The following RPP30 variants were observed in gnomAD, a reference collection of about 807,000 sequenced individuals.
RPP30 encodes the protein ribonuclease P/MRP subunit p30, also known as ribonuclease P protein subunit p30.
RPP30 carries 36 observed loss-of-function variants against 38.6 expected under a neutral mutation model. The observed-to-expected ratio is 0.93, with a 90% confidence interval of 0.71 to 1.23. The LOEUF is 1.23. Among genes scored for constraint, RPP30 ranks in the 50% most tolerant of loss-of-function variants. The probability of loss-of-function intolerance (pLI) is 0.00; values close to 1 mark genes in which losing one functional copy is unlikely to be tolerated. For missense variants in RPP30, 321 were observed against 321.7 expected (o/e 1.00, Z 0.02); for synonymous variants, 126 against 112.7 (o/e 1.12, Z -0.75).
intron 5 of RPP30, among the ~76,000 whole-genome samples, chr10:90,883,274 A>G (rs1171044882): frequency 6.9e-6 from 1 of 144,288 alleles, no homozygotes; most frequent in Non-Finnish European, 1.5e-5. Flanking sequence ...TTAAATTGTC[A>G]TAGGAGTCTC....
At chr10:90,879,550 C>T (rs1846896402) in intron 5 of RPP30, among the ~76,000 whole-genome samples, 1 of 152,174 alleles carries the variant, frequency 6.6e-6, no homozygotes, top group South Asian at 2.1e-4. Flanking sequence ...TCTGTTTCGG[C>T]TTCCTCCTTT....
chr10:90,906,192 G>A (rs968529008), downstream of RPP30: 4 of 152,202 alleles, frequency 2.6e-5, no homozygotes, highest in Non-Finnish European at 5.9e-5. Flanking sequence ...ACAACAGGAA[G>A]ACACCTTGGG....
intron 6 of RPP30, 89 bp from the exon 7 acceptor site, chr10:90,894,686 A>T: frequency 1.1e-6 from 1 of 892,120 alleles, no homozygotes; most frequent in South Asian, 1.3e-5. Flanking sequence ...AGTAGTAGGG[A>T]GTGAGGAGGG....
chr10:90,883,908 T>C (rs942466605), intron 5 of RPP30, among the ~76,000 whole-genome samples: 2 of 152,128 alleles, frequency 1.3e-5, no homozygotes, highest in African/African-American at 4.8e-5. Context: ...TTTGTGTATC[T>C]TTTTAGAAAT....
downstream of RPP30, chr10:90,902,342 C>T (rs985880807): frequency 3.9e-5 from 15 of 386,674 alleles, no homozygotes; most frequent in African/African-American, 3.1e-4. Flanking sequence ...CTCAGCCTCC[C>T]AAGTAAGTGG....
intron 7 of RPP30, 158 bp downstream of exon 7, chr10:90,895,049 A>T (rs1274495481): frequency 5.6e-6 from 4 of 716,176 alleles, no homozygotes; most frequent in African/African-American, 1.8e-5. Context: ...ATTTTAAGGG[A>T]AAGAAAAATA....
chr10:90,895,069 G>A, intron 7 of RPP30, 178 bp downstream of exon 7: 1 of 675,200 alleles, frequency 1.5e-6, no homozygotes, highest in Non-Finnish European at 2.7e-6. Context: ...ACCAAGGGAA[G>A]AATAATGTAA....
intron 2 of RPP30, 55 bp from the exon 3 acceptor site, chr10:90,875,503 T>C: frequency 7.3e-7 from 1 of 1,363,148 alleles, no homozygotes; most frequent in Non-Finnish European, 1.0e-6. Context: ...TTTTCCATTA[T>C]GCCTTGTGCT....
In RPP30 at chr10:90,876,025, G is replaced by A. The variant is rs762362994; in HGVS notation, c.197G>A (p.Gly66Glu). The A allele has an allele frequency of 9.9e-6, 15 of 1,508,100 alleles. No individual in the cohort carries two copies. Among genetic ancestry groups the A allele is most frequent in the Middle Eastern group, 1.7e-4 (1 of 5,886 alleles). The allele number at this position is 1,508,100 out of a possible 1,614,324, so 93.4% of individuals were successfully genotyped here. Residue 66 changes from glycine to glutamate, a missense_variant and splice_region_variant, in exon 4 of 11, where the codon GGA (glycine) becomes GAA (glutamate). Transcript: ENST00000371703. ...TGACATCATGTCTTTTTTAAATAGG[G>A]AAAATCAAGACCAATTAAAATTTTA... ...ELFTTLPIVQ[G>E]KSRPIKILTR...
rs762574593 is a variant in RPP30, at chr10:90,896,386, C to A, written c.691C>A (p.His231Asn). The part of the protein sequence containing the change: ...VSTNCRAALL[H>N]GETRKTAFGI... Reference sequence around the variant, plus strand: ...CACCAACTGCCGAGCAGCGCTTCTCCATGGAGGTAAGCAAGTTCTTCCAGT... The same window carrying A: ...CACCAACTGCCGAGCAGCGCTTCTCAATGGAGGTAAGCAAGTTCTTCCAGT... The change falls in exon 10 of 11, where the codon CAT becomes AAT. Residue 231 changes from histidine to asparagine, a missense_variant. Transcript: ENST00000371703. 5.0e-6 allele frequency: 8 copies of A among 1,613,644 alleles called. No individual in the cohort carries two copies. In the Admixed American group the frequency reaches 1.3e-4, roughly 27 times the overall value.
At chr10:90,885,763 C>T in intron 5 of RPP30, 49 bp from the exon 6 acceptor site, 2 of 1,202,610 alleles carry the variant, frequency 1.7e-6, no homozygotes, top group East Asian at 2.3e-5. Flanking sequence ...CCCATTCTTA[C>T]TTGTGCCAAT....
At chr10:90,896,424 G>A in intron 10 of RPP30, 32 bp downstream of exon 10, 12 of 1,573,976 alleles carry the variant, frequency 7.6e-6, no homozygotes, top group Non-Finnish European at 1.0e-5. Context: ...AAACTGAATG[G>A]TCATGTTAAA....
At chr10:90,882,823 G>A (rs562823744) in intron 5 of RPP30, among the ~76,000 whole-genome samples, 1 of 152,248 alleles carries the variant, frequency 6.6e-6, no homozygotes, top group East Asian at 1.9e-4. Flanking sequence ...AAAGTAAATG[G>A]AAATAAAAGT....
rs764049104 is a variant in RPP30 at position 90,894,978 on chromosome 10, CT to C, written c.549+89del. The C allele has an allele frequency of 1.3e-5, 12 of 937,976 alleles. No individual in the cohort carries two copies. In the East Asian group the frequency reaches 2.9e-4, roughly 23 times the overall value. 58.1% of individuals were successfully genotyped at this position (937,976 alleles called of 1,614,324 possible). On this transcript the variant is annotated intron_variant, in intron 7 of 10. Coordinates refer to ENST00000371703, the MANE Select transcript of RPP30 (RefSeq NM_006413.5). The stretch of plus-strand genomic sequence containing the variant: ...GGAATTGTCAAACTGACTCCTTTTC[CT>C]TAAAGCAGAATGTTCTCATAGCATA...
Position 90,888,650 on chromosome 10 carries a change from G to C in RPP30, c.432+2749G>C, listed in dbSNP as rs562467490. ...TCAGGAAGTATATGCCGTGAGGGAA[G>C]TGGGGCAGTGGGGCAACATGAGGAG... is the stretch of plus-strand genomic sequence containing the variant. On this transcript the variant is annotated intron_variant, in intron 6 of 10. Transcript: ENST00000371703. Among the ~76,000 whole-genome samples, 498 of 152,266 alleles carry C rather than the reference G, an allele frequency of 3.3e-3. 2 individuals carry two copies. Among genetic ancestry groups the C allele is most frequent in the Non-Finnish European group, 5.7e-3 (388 of 68,020 alleles).
chr10:90,879,985 A>T (rs568501804), intron 5 of RPP30: 1 of 152,334 alleles, frequency 6.6e-6, no homozygotes, highest in South Asian at 2.1e-4. Context: ...GTTCATTAAA[A>T]TGTCCATCTG....
In RPP30 at chr10:90,901,399, T is replaced by C. The variant is rs2120240407; in HGVS notation, c.*720T>C. ...GAAGTGACTTTAGTTCCTCTTGTTT[T>C]AAGCTTCTTTCATGTATTCAAATCA... On this transcript the variant is annotated 3_prime_UTR_variant, in exon 11 of 11. Coordinates refer to ENST00000371703, the MANE Select transcript of RPP30 (RefSeq NM_006413.5). The C allele has an allele frequency of 1.0e-6, 1 of 984,642 alleles. No homozygotes were observed. The highest frequency in any genetic ancestry group is 1.1e-4 in the East Asian group (1 of 8,814). 61.0% of individuals were successfully genotyped at this position (984,642 alleles called of 1,614,324 possible).
chr10:90,882,564 G>A (rs933623694), intron 5 of RPP30, among the ~76,000 whole-genome samples: 3 of 152,202 alleles, frequency 2.0e-5, no homozygotes, highest in Non-Finnish European at 4.4e-5. Context: ...TCAGGAGGCT[G>A]AGGCAGGAGA....
intron 6 of RPP30, among the ~76,000 whole-genome samples, chr10:90,891,510 C>T (rs1039803954): frequency 6.6e-6 from 1 of 152,166 alleles, no homozygotes; most frequent in Non-Finnish European, 1.5e-5. Flanking sequence ...TGGATGAGGA[C>T]GCAATTCAAC....
Sources: gnomAD v4.1 joint callset for allele counts (sites outside exome capture counted in the v4.1 genomes callset) on GRCh38, gnomAD v4.1.1 for gene constraint, MANE v1.5 for transcripts, NCBI Gene and HGNC (gene_info 2026-07-23, HGNC 2026-07-21) for gene names.